Variants in CNTNAP2 observed in about 807,000 individuals in gnomAD.
The protein encoded by CNTNAP2 is contactin associated protein 2, also known as contactin-associated protein-like 2.
In CNTNAP2, 98 loss-of-function variants were observed where a neutral mutation model predicts 155.2. The observed-to-expected ratio is 0.63, with a 90% confidence interval of 0.54 to 0.75. CNTNAP2 has a LOEUF of 0.75. CNTNAP2 is among the 30% of genes least tolerant of loss of function. The pLI is 0.00. For missense variants in CNTNAP2, 1,727 were observed against 1,688.1 expected, an observed-to-expected ratio of 1.02 and a Z score of -0.40; for synonymous variants, 651 against 631.2, an observed-to-expected ratio of 1.03 and a Z score of -0.47.
intron 3 of CNTNAP2, among the ~76,000 whole-genome samples, chr7:146,864,529 T>G (rs1018238067): frequency 1.3e-5 from 2 of 152,182 alleles, no homozygotes; most frequent in Non-Finnish European, 2.9e-5. Context: ...GAAAAAGATA[T>G]GTTTTTACAT....
chr7:147,980,768 C>CAAAAAAAAAAAAA (rs375398761), intron 15 of CNTNAP2, among the ~76,000 whole-genome samples: 73 of 135,632 alleles, frequency 5.4e-4, no homozygotes, highest in Non-Finnish European at 1.0e-3. Flanking sequence ...ACTAAAAATA[C>CAAAAAAAAAAAAA]AAAAAAAAAA....
chr7:148,418,720 G>C lies in CNTNAP2; in HGVS notation c.*3104G>C, dbSNP rs1224714255. ...ATTTAAAAATGTATTTCCCCTTGTGGCTTTCAACCACCTGCTCAAAAAAAG... is the reference window on the plus strand; with the variant it reads ...ATTTAAAAATGTATTTCCCCTTGTGCCTTTCAACCACCTGCTCAAAAAAAG... On this transcript the variant is annotated 3_prime_UTR_variant, in exon 24 of 24. Coordinates refer to ENST00000361727, the MANE Select transcript of CNTNAP2 (RefSeq NM_014141.6). 1 of 152,096 alleles carries C rather than the reference G, an allele frequency of 6.6e-6. No homozygotes were observed. The highest frequency in any genetic ancestry group is 1.5e-5 in the Non-Finnish European group (1 of 68,016). 9.4% of individuals were successfully genotyped at this position (152,096 alleles called of 1,614,324 possible).
At chr7:146,958,800 A>G (rs1411917189) in intron 3 of CNTNAP2, among the ~76,000 whole-genome samples, 1 of 152,118 alleles carries the variant, frequency 6.6e-6, no homozygotes, top group South Asian at 2.1e-4. Context: ...GGCACATAGT[A>G]GGCATCCAAT....
intron 1 of CNTNAP2, among the ~76,000 whole-genome samples, chr7:146,385,773 A>G (rs1025504799): frequency 1.3e-5 from 2 of 152,166 alleles, no homozygotes; most frequent in Admixed American, 6.5e-5. Context: ...TTCCGTTGCA[A>G]AGATATATGT....
chr7:147,461,941 AT>A (rs1798033250), intron 10 of CNTNAP2, among the ~76,000 whole-genome samples: 1 of 152,330 alleles, frequency 6.6e-6, no homozygotes, highest in East Asian at 1.9e-4. Flanking sequence ...TAATGTTATC[AT>A]TTGTCATATA....
chr7:148,288,958 AAAAAAAAAAAAG>A (rs1267976370), intron 21 of CNTNAP2, among the ~76,000 whole-genome samples: 3 of 151,018 alleles, frequency 2.0e-5, no homozygotes, highest in Admixed American at 6.6e-5. Flanking sequence ...AAAAAAAAAA[AAAAAAAAAAAAG>A]AGAGAAAAAC....
chr7:146,383,854 C>A (rs1204021819), intron 1 of CNTNAP2, among the ~76,000 whole-genome samples: 1 of 152,148 alleles, frequency 6.6e-6, no homozygotes, highest in Non-Finnish European at 1.5e-5. Context: ...GTTATCATAT[C>A]TAGAGTCAGT....
intron 22 of CNTNAP2, among the ~76,000 whole-genome samples, chr7:148,396,257 C>G (rs529016430): frequency 6.6e-6 from 1 of 152,138 alleles, no homozygotes; most frequent in Non-Finnish European, 1.5e-5. Flanking sequence ...AAAAGGGAGG[C>G]GAGTTGAGCT....
intron 1 of CNTNAP2, among the ~76,000 whole-genome samples, chr7:146,333,392 A>G (rs1436848488): frequency 6.6e-6 from 1 of 152,220 alleles, no homozygotes; most frequent in Non-Finnish European, 1.5e-5. Flanking sequence ...GACCTAAACT[A>G]TAAGTAAAGA....
At chr7:146,410,140 G>A (rs774857730) in intron 1 of CNTNAP2, among the ~76,000 whole-genome samples, 1 of 151,940 alleles carries the variant, frequency 6.6e-6, no homozygotes. Flanking sequence ...GCTAATATTC[G>A]GAGTGATGTT....
chr7:146,454,988 G>T (rs1030937722), intron 1 of CNTNAP2, among the ~76,000 whole-genome samples: 2 of 152,086 alleles, frequency 1.3e-5, no homozygotes, highest in African/African-American at 4.8e-5. Flanking sequence ...TGATGTAGTT[G>T]CACACCTTCC....
At chr7:147,238,778 C>T (rs1324517275) in intron 8 of CNTNAP2, among the ~76,000 whole-genome samples, 1 of 152,134 alleles carries the variant, frequency 6.6e-6, no homozygotes, top group African/African-American at 2.4e-5. Flanking sequence ...CATTTATTCT[C>T]CCTTTCTGTT....
intron 11 of CNTNAP2, among the ~76,000 whole-genome samples, chr7:147,533,413 T>C (rs1049126808): frequency 6.7e-6 from 1 of 150,196 alleles, no homozygotes; most frequent in African/African-American, 2.5e-5. Flanking sequence ...TCCATAAACT[T>C]ACTGAAAATG....
At position 147,043,975 on chromosome 7, in the gene CNTNAP2, C is replaced by T. The variant is rs746724558; in HGVS notation, c.471C>T (p.Arg157=). The T allele has an allele frequency of 1.2e-6, 2 of 1,614,038 alleles. No individual in the cohort carries two copies. Among genetic ancestry groups the T allele is most frequent in the Non-Finnish European group, 1.7e-6 (2 of 1,180,020 alleles). The stretch of plus-strand genomic sequence containing the variant: ...AATTACAGCATCCGATTATTGCCCG[C>T]TATGTGCGCATAGTGCCTCTGGATT... ...RHELQHPIIA[R]YVRIVPLDWN... is the part of the protein sequence containing the mutation. The change falls in exon 4 of 24, where the codon CGC becomes CGT. Residue 157 remains arginine, a synonymous_variant. Coordinates refer to ENST00000361727, the MANE Select transcript of CNTNAP2 (RefSeq NM_014141.6).
chr7:146,809,580 T>A (rs1044108374), intron 2 of CNTNAP2, among the ~76,000 whole-genome samples: 2 of 152,022 alleles, frequency 1.3e-5, no homozygotes, highest in African/African-American at 4.8e-5. Flanking sequence ...GCCAGGCTGG[T>A]CTCGAACTCC....
At chr7:146,804,813 C>T (rs1207905950) in intron 2 of CNTNAP2, among the ~76,000 whole-genome samples, 2 of 152,120 alleles carry the variant, frequency 1.3e-5, no homozygotes, top group African/African-American at 4.8e-5. Context: ...ACACAAAGCC[C>T]CAGTCTCAAT....
intron 1 of CNTNAP2, among the ~76,000 whole-genome samples, chr7:146,493,955 C>T (rs2129131752): frequency 6.6e-6 from 1 of 152,286 alleles, no homozygotes; most frequent in African/African-American, 2.4e-5. Flanking sequence ...ACTCATATCT[C>T]AGATGTCACC....
At chr7:146,278,939 T>A (rs1800206596) in intron 1 of CNTNAP2, among the ~76,000 whole-genome samples, 1 of 152,148 alleles carries the variant, frequency 6.6e-6, no homozygotes, top group Non-Finnish European at 1.5e-5. Flanking sequence ...CATTAAGAAG[T>A]TGGTAGCCCT....
At chr7:147,051,108 G>T (rs1799462869) in intron 4 of CNTNAP2, among the ~76,000 whole-genome samples, 1 of 151,098 alleles carries the variant, frequency 6.6e-6, no homozygotes. Context: ...TTGAAATAAG[G>T]CCACGCTTTG....
Sources: allele counts gnomAD v4.1 joint callset (sites outside exome capture counted in the v4.1 genomes callset), GRCh38; gene constraint gnomAD v4.1.1; transcripts MANE v1.5; gene names NCBI Gene and HGNC (gene_info 2026-07-23, HGNC 2026-07-21).